Variants in SH3RF1 observed in about 807,000 individuals in gnomAD.
SH3RF1 encodes the protein SH3 domain containing ring finger 1.
SH3RF1 carries 32 observed loss-of-function variants against 74.0 expected under a neutral mutation model. That is an observed-to-expected ratio of 0.43 (90% confidence interval 0.33 to 0.58). SH3RF1 has a LOEUF of 0.58. Ranked by LOEUF, SH3RF1 falls within the 20% of genes least tolerant of loss-of-function variation. The pLI, the probability that SH3RF1 is intolerant of heterozygous loss-of-function variation, is 0.05. For synonymous variants in SH3RF1, 396 were observed against 439.6 expected, an observed-to-expected ratio of 0.90 and a Z score of 1.24; for missense variants, 954 against 1,130.9, an observed-to-expected ratio of 0.84 and a Z score of 2.24.
chr4:169,171,711 A>G lies in SH3RF1; in HGVS notation c.394-15032T>C, dbSNP rs190770304. 5.6e-4 allele frequency among the ~76,000 whole-genome samples: 86 copies of G among 152,360 alleles called. No homozygotes were observed. The East Asian group carries it at 0.014, about 26-fold the overall frequency. ...TACCTGTGCCTTTCAAGTGAAAACT[A>G]TAACAATTATGCAAGGAAGTATCTC... On this transcript the variant is annotated intron_variant, in intron 2 of 11. Coordinates refer to ENST00000284637, the MANE Select transcript of SH3RF1 (RefSeq NM_020870.4).
At chr4:169,128,554 ACT>A (rs886660391) in intron 6 of SH3RF1, among the ~76,000 whole-genome samples, 14 of 152,362 alleles carry the variant, frequency 9.2e-5, no homozygotes, top group Admixed American at 7.2e-4. Flanking sequence ...CTAGGTAATA[ACT>A]CTACATTTAT....
intron 2 of SH3RF1, among the ~76,000 whole-genome samples, chr4:169,167,751 A>G (rs1734271064): frequency 6.6e-6 from 1 of 152,172 alleles, no homozygotes; most frequent in African/African-American, 2.4e-5. Context: ...AATTTCTGAG[A>G]CTATAAATAT....
At chr4:169,156,369 C>T in intron 3 of SH3RF1, 35 bp downstream of exon 3, 2 of 1,523,188 alleles carry the variant, frequency 1.3e-6, no homozygotes, top group Non-Finnish European at 8.8e-7. Flanking sequence ...AGAGGTAGAG[C>T]TGGCAAACAG....
chr4:169,253,006 G>T (rs1731130462), intron 2 of SH3RF1, among the ~76,000 whole-genome samples: 1 of 152,054 alleles, frequency 6.6e-6, no homozygotes, highest in Admixed American at 6.6e-5. Context: ...GGGAGGTGGG[G>T]GTGACTGAGA....
intron 2 of SH3RF1, among the ~76,000 whole-genome samples, chr4:169,227,803 A>G (rs1184494766): frequency 2.0e-5 from 3 of 152,240 alleles, no homozygotes; most frequent in Non-Finnish European, 4.4e-5. Context: ...TCAAAGGGCT[A>G]CGGGATAGAC....
intron 4 of SH3RF1, among the ~76,000 whole-genome samples, chr4:169,150,635 G>A (rs903661813): frequency 1.3e-5 from 2 of 152,018 alleles, no homozygotes; most frequent in Non-Finnish European, 2.9e-5. Flanking sequence ...TACCCCCAGG[G>A]GGGTCTTCTC....
chr4:169,145,966 ATATTCTATATAT>A lies in SH3RF1; in HGVS notation c.766-9358_766-9347del, dbSNP rs1351556571. 3.3e-5 allele frequency among the ~76,000 whole-genome samples: 4 copies of A among 120,310 alleles called. 1 individual carries two copies. Among genetic ancestry groups the A allele is most frequent in the Admixed American group, 1.7e-4 (2 of 11,718 alleles). 78.9% of individuals were successfully genotyped at this position (120,310 alleles called of 152,430 possible). The stretch of plus-strand genomic sequence containing the variant: ...TATATTATTCTATATAAAATATTAC[ATATTCTATATAT>A]TATTCTATATAAAATATTACATATT... On this transcript the variant is annotated intron_variant, in intron 4 of 11. Transcript: ENST00000284637.
At chr4:169,105,577 T>C (rs1054413399) in intron 11 of SH3RF1, among the ~76,000 whole-genome samples, 1 of 152,230 alleles carries the variant, frequency 6.6e-6, no homozygotes, top group Admixed American at 6.5e-5. Flanking sequence ...AACTTAGCCA[T>C]ACCCTTCTGG....
At chr4:169,188,430 C>A (rs1218025732) in intron 2 of SH3RF1, among the ~76,000 whole-genome samples, 1 of 152,206 alleles carries the variant, frequency 6.6e-6, no homozygotes, top group Admixed American at 6.5e-5. Flanking sequence ...CAGCTCTGTG[C>A]ACCCTGGACT....
chr4:169,153,708 G>T (rs1201513275), intron 4 of SH3RF1, among the ~76,000 whole-genome samples: 3 of 152,164 alleles, frequency 2.0e-5, no homozygotes, highest in African/African-American at 7.2e-5. Context: ...TGACATCAAA[G>T]AAATGTTCAT....
chr4:169,096,344 A>G lies in SH3RF1; in HGVS notation c.*175T>C. 1 of 632,742 alleles carries G rather than the reference A, an allele frequency of 1.6e-6. No individual in the cohort carries two copies. Among genetic ancestry groups the G allele is most frequent in the Non-Finnish European group, 2.7e-6 (1 of 376,056 alleles). 39.2% of individuals were successfully genotyped at this position (632,742 alleles called of 1,614,324 possible). A position where few individuals can be genotyped will look rare whatever the true frequency, so the allele number is the denominator to read the frequency against. ...AATCCAGACTAACAAAACCCACACA[A>G]ACATCTTCTTCATTCTGCTCGCTGG... On this transcript the variant is annotated 3_prime_UTR_variant, in exon 12 of 12. Transcript: ENST00000284637.
At chr4:169,231,824 A>G (rs192503039) in intron 2 of SH3RF1, among the ~76,000 whole-genome samples, 1 of 152,194 alleles carries the variant, frequency 6.6e-6, no homozygotes, top group Non-Finnish European at 1.5e-5. Context: ...AATACCTACT[A>G]CATGTCAGGT....
chr4:169,164,072 C>G (rs957821022), intron 2 of SH3RF1, among the ~76,000 whole-genome samples: 2 of 152,184 alleles, frequency 1.3e-5, no homozygotes, highest in African/African-American at 2.4e-5. Context: ...CTACCCAAGT[C>G]TAGAGAAGGT....
At chr4:169,241,570 G>A (rs12502392) in intron 2 of SH3RF1, among the ~76,000 whole-genome samples, 1 of 150,938 alleles carries the variant, frequency 6.6e-6, no homozygotes, top group Non-Finnish European at 1.5e-5. Flanking sequence ...CAGCACTCCT[G>A]AACTCCACCA....
chr4:169,192,512 C>G (rs1734736788), intron 2 of SH3RF1, among the ~76,000 whole-genome samples: 1 of 151,976 alleles, frequency 6.6e-6, no homozygotes, highest in East Asian at 1.9e-4. Context: ...CTGCAGTGAA[C>G]AAGGAACACT....
At chr4:169,124,101 C>T (rs1392449296) in intron 6 of SH3RF1, among the ~76,000 whole-genome samples, 2 of 151,840 alleles carry the variant, frequency 1.3e-5, no homozygotes, top group East Asian at 1.9e-4. Context: ...GTGAGATAAT[C>T]GGTCTACACT....
intron 2 of SH3RF1, among the ~76,000 whole-genome samples, chr4:169,212,607 A>G (rs1239795200): frequency 6.6e-6 from 1 of 152,122 alleles, no homozygotes; most frequent in African/African-American, 2.4e-5. Context: ...GAGTTCCCAT[A>G]TACTCCTAAA....
chr4:169,208,763 T>C (rs1433607630), intron 2 of SH3RF1, among the ~76,000 whole-genome samples: 1 of 152,054 alleles, frequency 6.6e-6, no homozygotes, highest in Admixed American at 6.5e-5. Flanking sequence ...TTCATTCAGG[T>C]CCAGCTCCTG....
At chr4:169,160,195 A>ACT (rs1042511499) in intron 2 of SH3RF1, among the ~76,000 whole-genome samples, 2 of 152,248 alleles carry the variant, frequency 1.3e-5, no homozygotes, top group Admixed American at 6.5e-5. Context: ...CAGATTTAGC[A>ACT]CTCTTAGAAA....
Sources: gnomAD v4.1 joint callset for allele counts (sites outside exome capture counted in the v4.1 genomes callset) on GRCh38, gnomAD v4.1.1 for gene constraint, MANE v1.5 for transcripts, NCBI Gene and HGNC (gene_info 2026-07-23, HGNC 2026-07-21) for gene names.